Variants in COA1 observed in about 807,000 individuals in gnomAD.
COA1 encodes the protein cytochrome c oxidase assembly factor 1 homolog.
COA1 carries 13 observed loss-of-function variants against 16.0 expected under a neutral mutation model. The observed-to-expected ratio is 0.81, with a 90% CI of 0.53 to 1.29. The LOEUF (loss-of-function observed/expected upper bound fraction) is 1.29, where lower values mean the gene tolerates loss of function less well. Ranked by LOEUF, COA1 falls within the 50% of genes most tolerant of loss-of-function variation. The pLI is 0.00. For missense variants in COA1, 179 were observed against 177.0 expected, an observed-to-expected ratio of 1.01 and a Z score of -0.06; for synonymous variants, 65 against 65.7, an observed-to-expected ratio of 0.99 and a Z score of 0.05.
intron 1 of COA1, among the ~76,000 whole-genome samples, chr7:43,679,159 G>A (rs2093656065): frequency 6.6e-6 from 1 of 151,260 alleles, no homozygotes; most frequent in Non-Finnish European, 1.5e-5. Context: ...CCCAGCTACT[G>A]GGGAGGCTGA....
downstream of COA1, among the ~76,000 whole-genome samples, chr7:43,635,446 G>C (rs150856841): frequency 2.6e-5 from 4 of 152,076 alleles, no homozygotes; most frequent in African/African-American, 7.2e-5. Context: ...TCAGCTGTCC[G>C]AGCCCCCAAG....
At chr7:43,662,453 A>C (rs1219016544) in intron 1 of COA1, among the ~76,000 whole-genome samples, 1 of 152,064 alleles carries the variant, frequency 6.6e-6, no homozygotes, top group Non-Finnish European at 1.5e-5. Context: ...GCTGGTCTTG[A>C]ACTCCTGACC....
chr7:43,701,534 C>T (rs1436794956), intron 1 of COA1, among the ~76,000 whole-genome samples: 1 of 152,112 alleles, frequency 6.6e-6, no homozygotes. Context: ...ACCTGGGTGC[C>T]CATATCTTTG....
intron 1 of COA1, among the ~76,000 whole-genome samples, chr7:43,678,395 G>A (rs901496816): frequency 6.6e-6 from 1 of 152,036 alleles, no homozygotes; most frequent in Non-Finnish European, 1.5e-5. Context: ...AAACATATGG[G>A]GAAAGTTCTG....
exon 7 of COA1, chr7:43,608,612 A>G (rs773667662): frequency 1.7e-5 from 7 of 420,438 alleles, no homozygotes; most frequent in African/African-American, 6.2e-5. Context: ...AAATAATACA[A>G]TGCCAAAGAA....
chr7:43,635,203 T>C (rs1198311115), downstream of COA1, among the ~76,000 whole-genome samples: 1 of 152,188 alleles, frequency 6.6e-6, no homozygotes, highest in Non-Finnish European at 1.5e-5. Context: ...CTGCAATCAA[T>C]GGTTTGTGTG....
chr7:43,663,974 T>G (rs1395202466), intron 1 of COA1, among the ~76,000 whole-genome samples: 1 of 152,038 alleles, frequency 6.6e-6, no homozygotes, highest in Non-Finnish European at 1.5e-5. Context: ...GATGATCCCT[T>G]AAGCCCAGGA....
At chr7:43,618,661 T>G (rs1473234907) in intron 6 of COA1, among the ~76,000 whole-genome samples, 3 of 152,366 alleles carry the variant, frequency 2.0e-5, no homozygotes, top group Admixed American at 6.5e-5. Flanking sequence ...TTTTACATTC[T>G]AGTCCATAAT....
At chr7:43,653,192 G>A (rs2091153098) in intron 1 of COA1, among the ~76,000 whole-genome samples, 1 of 151,914 alleles carries the variant, frequency 6.6e-6, no homozygotes, top group Admixed American at 6.5e-5. Context: ...GGCACCCGTA[G>A]TCCCAGCTAC....
intron 1 of COA1, among the ~76,000 whole-genome samples, chr7:43,719,966 G>T (rs963247049): frequency 1.3e-5 from 2 of 152,010 alleles, no homozygotes; most frequent in African/African-American, 4.8e-5. Flanking sequence ...TAAATATTTG[G>T]GGTTTATTCT....
intron 1 of COA1, among the ~76,000 whole-genome samples, chr7:43,708,608 T>C (rs1253490491): frequency 6.6e-6 from 1 of 152,230 alleles, no homozygotes; most frequent in East Asian, 1.9e-4. Context: ...TTTGTGCTCT[T>C]TGGCACCTTT....
chr7:43,685,959 C>T (rs989729031), intron 1 of COA1, among the ~76,000 whole-genome samples: 2 of 152,148 alleles, frequency 1.3e-5, no homozygotes, highest in Non-Finnish European at 2.9e-5. Flanking sequence ...ACAAAAAAAT[C>T]AAGAATGCTT....
chr7:43,615,252 T>C (rs1161703174), intron 6 of COA1, among the ~76,000 whole-genome samples: 1 of 152,196 alleles, frequency 6.6e-6, no homozygotes, highest in Non-Finnish European at 1.5e-5. Flanking sequence ...CTCGGCTCAC[T>C]GCAACCTCTG....
chr7:43,613,394 T>C (rs1199318838), intron 6 of COA1, among the ~76,000 whole-genome samples: 1 of 152,232 alleles, frequency 6.6e-6, no homozygotes, highest in African/African-American at 2.4e-5. Context: ...TTAGGTTATA[T>C]GCAAATACTG....
chr7:43,648,784 C>A, intron 1 of COA1, 132 bp from the exon 2 acceptor site: 1 of 659,440 alleles, frequency 1.5e-6, no homozygotes, highest in South Asian at 2.2e-5. Flanking sequence ...AACTCTAAAA[C>A]AAGCCTTGTC....
intron 1 of COA1, among the ~76,000 whole-genome samples, chr7:43,721,319 G>A (rs957097016): frequency 4.6e-5 from 7 of 152,188 alleles, no homozygotes; most frequent in Admixed American, 4.6e-4. Flanking sequence ...ATTTTCTGAT[G>A]TAAAAAATGT....
intron 6 of COA1, among the ~76,000 whole-genome samples, chr7:43,634,164 C>A (rs902689079): frequency 4.1e-4 from 62 of 151,970 alleles, no homozygotes; most frequent in African/African-American, 1.4e-3. Context: ...TCAGATAATT[C>A]TAAAATCTGT....
At chr7:43,622,364 G>T (rs904972569) in intron 6 of COA1, 2 of 152,036 alleles carry the variant, frequency 1.3e-5, no homozygotes, top group African/African-American at 4.8e-5. Flanking sequence ...TTATTCTATG[G>T]GGGTTTGTCA....
At chr7:43,701,718 T>C (rs903916233) in intron 1 of COA1, among the ~76,000 whole-genome samples, 2 of 152,216 alleles carry the variant, frequency 1.3e-5, no homozygotes, top group African/African-American at 4.8e-5. Context: ...GCAGTGTATA[T>C]GCATTCCCTT....
Sources: gnomAD v4.1 joint callset for allele counts (sites outside exome capture counted in the v4.1 genomes callset) on GRCh38, gnomAD v4.1.1 for gene constraint, MANE v1.5 for transcripts, NCBI Gene and HGNC (gene_info 2026-07-23, HGNC 2026-07-21) for gene names.